The following BLK variants were observed in gnomAD, a reference collection of about 807,000 sequenced individuals.
BLK encodes tyrosine-protein kinase Blk.
BLK carries 64 observed loss-of-function variants against 61.8 expected under a neutral mutation model. The observed-to-expected ratio is 1.03, with a 90% CI of 0.85 to 1.27. The LOEUF is 1.27. Among genes scored for constraint, BLK ranks in the 50% most tolerant of loss-of-function variants. The pLI is 0.00. For missense variants in BLK, 853 were observed against 660.5 expected (o/e 1.29, Z -3.19); for synonymous variants, 351 against 272.0 (o/e 1.29, Z -2.86).
rs1235420104 is a variant in BLK, at chr8:11,563,971, C to G, written c.1381C>G (p.Pro461Ala). ...GYRMPRPDTC[P>A]PELYRGVIAE... is the part of the protein sequence containing the mutation. ...CCGCATGCCGCGCCCCGACACCTGCCCGCCCGAGCTGTACCGCGGCGTCAT... is the reference window on the plus strand; with the variant it reads ...CCGCATGCCGCGCCCCGACACCTGCGCGCCCGAGCTGTACCGCGGCGTCAT... The change falls in exon 13 of 13, where the codon CCG becomes GCG. Residue 461 changes from proline to alanine, a missense_variant. Coordinates refer to ENST00000259089, the MANE Select transcript of BLK (RefSeq NM_001715.3). The G allele has an allele frequency of 6.2e-7, 1 of 1,606,596 alleles. No individual in the cohort carries two copies. The highest frequency in any genetic ancestry group is 1.7e-5 in the Admixed American group (1 of 59,958).
chr8:11,517,510 C>G (rs1215204114), intron 1 of BLK, among the ~76,000 whole-genome samples: 1 of 152,234 alleles, frequency 6.6e-6, no homozygotes, highest in Non-Finnish European at 1.5e-5. Context: ...GCCAAGCACG[C>G]CTGGATGTTC....
Position 11,555,453 on chromosome 8 carries a change from C to G in BLK, c.741C>G (p.Leu247=), listed in dbSNP as rs201671994. ...AGTCTCTCAGGCTGGTCAGGAAACT[C>G]GGGTCTGGACAATTCGGCGAAGTCT... The part of the protein sequence containing the change: ...PRQSLRLVRK[L]GSGQFGEVWM... Residue 247 remains leucine, a synonymous_variant, in exon 8 of 13, where the codon CTC becomes CTG. Transcript: ENST00000259089. The G allele has an allele frequency of 5.0e-6, 8 of 1,614,038 alleles. No individual in the cohort carries two copies. Among genetic ancestry groups the G allele is most frequent in the Middle Eastern group, 1.6e-4 (1 of 6,084 alleles).
rs1382281453 is a variant in BLK at position 11,543,209 on chromosome 8, G to A, written c.-1-15G>A. ...CGCTCTCTCATGTCCTCTGTCTGCTGTGTGTCTCCGACAGGATGGGGCTGG... is the reference window on the plus strand; with the variant it reads ...CGCTCTCTCATGTCCTCTGTCTGCTATGTGTCTCCGACAGGATGGGGCTGG... On this transcript the variant is annotated splice_polypyrimidine_tract_variant and intron_variant, in intron 1 of 12. Coordinates refer to ENST00000259089, the MANE Select transcript of BLK (RefSeq NM_001715.3). 2 of 1,613,718 alleles carry A rather than the reference G, an allele frequency of 1.2e-6. No homozygotes were observed. Among genetic ancestry groups the A allele is most frequent in the Non-Finnish European group, 8.5e-7 (1 of 1,179,938 alleles).
intron 3 of BLK, 116 bp downstream of exon 3, chr8:11,546,219 CG>C: frequency 1.5e-6 from 2 of 1,297,464 alleles, no homozygotes; most frequent in Non-Finnish European, 2.2e-6. Flanking sequence ...GAAGAGAAAA[CG>C]GGGAAGCTGA....
At chr8:11,537,702 C>T (rs1033599540) in intron 1 of BLK, among the ~76,000 whole-genome samples, 5 of 152,198 alleles carry the variant, frequency 3.3e-5, no homozygotes, top group Non-Finnish European at 7.3e-5. Context: ...ATGAGGATAA[C>T]TGTAACCAAT....
chr8:11,562,100 T>G (rs1229486552), intron 11 of BLK, among the ~76,000 whole-genome samples: 1 of 152,196 alleles, frequency 6.6e-6, no homozygotes, highest in African/African-American at 2.4e-5. Flanking sequence ...ATGACAGGTG[T>G]AAGCCATGCC....
intron 2 of BLK, 156 bp from the exon 3 acceptor site, chr8:11,545,896 A>T (rs2117466649): frequency 1.2e-6 from 1 of 811,948 alleles, no homozygotes; most frequent in African/African-American, 1.7e-5. Context: ...GTCCCTGGGT[A>T]CAGAATGTCC....
At chr8:11,503,225 G>A (rs1325774921) in intron 1 of BLK, among the ~76,000 whole-genome samples, 1 of 152,222 alleles carries the variant, frequency 6.6e-6, no homozygotes, top group Non-Finnish European at 1.5e-5. Flanking sequence ...AAGGACATTT[G>A]ATGTTCTGCA....
chr8:11,520,042 T>C (rs758914701), intron 1 of BLK, among the ~76,000 whole-genome samples: 5 of 152,196 alleles, frequency 3.3e-5, no homozygotes, highest in Middle Eastern at 3.2e-3. Context: ...AAAAGATTAG[T>C]AGTCACACAC....
At position 11,563,920 on chromosome 8, in the gene BLK, G is replaced by A. The variant is rs780363771; in HGVS notation, c.1330G>A (p.Val444Ile). ...VPYPGMSNPE[V>I]IRNLERGYRM... is the part of the protein sequence containing the mutation. Reference sequence around the variant, plus strand: ...TGCCGCAGGGATGAGCAACCCCGAGGTCATCCGCAACCTGGAGCGCGGCTA... The same window carrying A: ...TGCCGCAGGGATGAGCAACCCCGAGATCATCCGCAACCTGGAGCGCGGCTA... The change falls in exon 13 of 13, where the codon GTC becomes ATC. Residue 444 changes from valine (V) to isoleucine (I), a missense_variant. Transcript: ENST00000259089. 10 of 1,608,880 alleles carry A rather than the reference G, an allele frequency of 6.2e-6. No individual in the cohort carries two copies. The highest frequency in any genetic ancestry group is 1.3e-5 in the African/African-American group (1 of 74,898).
At chr8:11,545,370 G>A (rs1386448562) in intron 2 of BLK, among the ~76,000 whole-genome samples, 2 of 152,148 alleles carry the variant, frequency 1.3e-5, no homozygotes, top group Non-Finnish European at 1.5e-5. Context: ...CCAACATGGC[G>A]AAAACCTGTA....
intron 10 of BLK, among the ~76,000 whole-genome samples, chr8:11,559,430 AACTC>A (rs910086293): frequency 1.3e-5 from 2 of 150,466 alleles, no homozygotes; most frequent in African/African-American, 4.9e-5. Context: ...CACACACACA[AACTC>A]ACACAGACAC....
At chr8:11,557,518 C>A (rs974392911) in intron 9 of BLK, among the ~76,000 whole-genome samples, 6 of 152,234 alleles carry the variant, frequency 3.9e-5, no homozygotes, top group African/African-American at 1.4e-4. Flanking sequence ...CTGCACCAAA[C>A]CTGGGGGACA....
At chr8:11,532,393 C>G (rs1168220973) in intron 1 of BLK, among the ~76,000 whole-genome samples, 1 of 138,212 alleles carries the variant, frequency 7.2e-6, no homozygotes, top group Non-Finnish European at 1.6e-5. Flanking sequence ...GTATTTTTAG[C>G]AGAGACAGGG....
intron 1 of BLK, among the ~76,000 whole-genome samples, chr8:11,535,441 T>C (rs960016743): frequency 6.6e-6 from 1 of 152,216 alleles, no homozygotes; most frequent in African/African-American, 2.4e-5. Flanking sequence ...AGCTTTGTTT[T>C]CTGAACGTGT....
intron 1 of BLK, among the ~76,000 whole-genome samples, chr8:11,531,568 G>T (rs76160649): frequency 0.023 from 3,533 of 152,146 alleles, 93 homozygotes; most frequent in African/African-American, 0.057. Flanking sequence ...CCTTGGTGTG[G>T]TTTTCTTCAT....
chr8:11,528,514 G>T (rs1418132327), intron 1 of BLK, among the ~76,000 whole-genome samples: 1 of 152,038 alleles, frequency 6.6e-6, no homozygotes, highest in Non-Finnish European at 1.5e-5. Context: ...ACACACACTT[G>T]GGCTTCAGCA....
At chr8:11,501,973 C>A (rs761194840) in intron 1 of BLK, among the ~76,000 whole-genome samples, 41 of 152,234 alleles carry the variant, frequency 2.7e-4, no homozygotes, top group Non-Finnish European at 2.5e-4. Flanking sequence ...ATCCATGAAA[C>A]AAATCACTGC....
chr8:11,555,416 A>C lies in BLK; in HGVS notation c.704A>C (p.Glu235Ala), dbSNP rs1801154931. 6 of 1,614,144 alleles carry C rather than the reference A, an allele frequency of 3.7e-6. No homozygotes were observed. Among genetic ancestry groups the C allele is most frequent in the Non-Finnish European group, 5.1e-6 (6 of 1,180,020 alleles). Residue 235 changes from glutamate (E) to alanine (A), a missense_variant, in exon 8 of 13, where the codon GAG (glutamate) becomes GCG (alanine). Physicochemically the swap from Glu to Ala is moderately radical, Grantham distance 107. Coordinates refer to ENST00000259089, the MANE Select transcript of BLK (RefSeq NM_001715.3). ...PQNPWAQDEW[E>A]IPRQSLRLVR... ...AATCCCTGGGCCCAGGATGAATGGG[A>C]GATCCCCCGGCAGTCTCTCAGGCTG... is the stretch of plus-strand genomic sequence containing the variant.
Sources: gnomAD v4.1 joint callset for allele counts (sites outside exome capture counted in the v4.1 genomes callset) on GRCh38, gnomAD v4.1.1 for gene constraint, MANE v1.5 for transcripts, NCBI Gene and HGNC (gene_info 2026-07-23, HGNC 2026-07-21) for gene names.